The following ATXN1 variants were observed in gnomAD, a reference collection of about 807,000 sequenced individuals.
The protein encoded by ATXN1 is ataxin-1.
Under a neutral mutation model 56.4 loss-of-function variants are expected in ATXN1, and 8 were observed. The ratio of observed to expected loss-of-function variants is 0.14; its 90% CI spans 0.08 to 0.26. ATXN1 has a LOEUF of 0.26. ATXN1 is among the 10% of genes least tolerant of loss of function. ATXN1 has a pLI of 1.00. For synonymous variants in ATXN1, 514 were observed against 494.6 expected (o/e 1.04, Z -0.52); for missense variants, 987 against 1,106.5 (o/e 0.89, Z 1.53).
chr6:16,699,519 C>T (rs1759237343), intron 2 of ATXN1, among the ~76,000 whole-genome samples: 1 of 152,102 alleles, frequency 6.6e-6, no homozygotes, highest in Admixed American at 6.6e-5. Flanking sequence ...GTTGTTTCAC[C>T]ATCTGTTTAT....
At chr6:16,417,651 G>A (rs1561888016) in intron 6 of ATXN1, among the ~76,000 whole-genome samples, 1 of 151,844 alleles carries the variant, frequency 6.6e-6, no homozygotes, top group African/African-American at 2.4e-5. Flanking sequence ...TATTAGCCAG[G>A]ATGGTCTCGA....
At chr6:16,314,349 C>T (rs931010792) in intron 7 of ATXN1, among the ~76,000 whole-genome samples, 3 of 152,102 alleles carry the variant, frequency 2.0e-5, no homozygotes, top group Non-Finnish European at 2.9e-5. Context: ...GATCATTAAC[C>T]GTTAATGAAG....
chr6:16,415,643 C>A (rs1758887985), intron 6 of ATXN1, among the ~76,000 whole-genome samples: 1 of 152,212 alleles, frequency 6.6e-6, no homozygotes, highest in African/African-American at 2.4e-5. Flanking sequence ...TGAGTGAGTC[C>A]TGCCTGGTTC....
intron 2 of ATXN1, among the ~76,000 whole-genome samples, chr6:16,689,996 G>C (rs1759012814): frequency 6.6e-6 from 1 of 152,052 alleles, no homozygotes; most frequent in Non-Finnish European, 1.5e-5. Flanking sequence ...TACAAGAGAG[G>C]AAGATGACAC....
At position 16,319,183 on chromosome 6, in the gene ATXN1, A is replaced by G. The variant is rs146423233; in HGVS notation, c.1917+7211T>C. Among the ~76,000 whole-genome samples the G allele has an allele frequency of 1.1e-4, 17 of 151,964 alleles. No individual in the cohort carries two copies. The East Asian group carries it at 3.1e-3, about 28-fold the overall frequency. ...CAGTGAGCTATTATGGTGTCACTGC[A>G]CTCCAGCCTGGGCAACAGAGCAAGA... On this transcript the variant is annotated intron_variant, in intron 7 of 7. Coordinates refer to ENST00000436367, the MANE Select transcript of ATXN1 (RefSeq NM_001128164.2).
intron 1 of ATXN1, among the ~76,000 whole-genome samples, chr6:16,755,259 T>A (rs1038394691): frequency 6.6e-5 from 10 of 152,178 alleles, no homozygotes; most frequent in Non-Finnish European, 1.3e-4. Context: ...GTTAGGATAA[T>A]ACAGAGAGTT....
At chr6:16,451,969 T>A (rs147304147) in intron 6 of ATXN1, among the ~76,000 whole-genome samples, 24 of 152,320 alleles carry the variant, frequency 1.6e-4, no homozygotes, top group African/African-American at 4.6e-4. Flanking sequence ...GAAAATATTC[T>A]GGGATTTGTC....
In ATXN1 at chr6:16,617,432, A is replaced by T. The variant is rs141931798; in HGVS notation, c.-488-31525T>A. Among the ~76,000 whole-genome samples the T allele has an allele frequency of 5.5e-3, 834 of 152,292 alleles. 9 individuals are homozygous for T. The highest frequency in any genetic ancestry group is 0.019 in the African/African-American group (790 of 41,564). ...AATAGCTAATAAATGCTGAAAAAAA[A>T]TATATGAAAGAATCTAATTATATTA... On this transcript the variant is annotated intron_variant, in intron 3 of 7. Transcript: ENST00000436367.
intron 6 of ATXN1, among the ~76,000 whole-genome samples, chr6:16,467,817 C>A (rs1760137538): frequency 1.3e-5 from 2 of 152,188 alleles, no homozygotes; most frequent in Admixed American, 6.5e-5. Context: ...TGCCTGTTAA[C>A]AACCCTGTCC....
At chr6:16,755,628 T>C (rs1760864853) in intron 1 of ATXN1, among the ~76,000 whole-genome samples, 1 of 151,742 alleles carries the variant, frequency 6.6e-6, no homozygotes, top group African/African-American at 2.4e-5. Flanking sequence ...GAAGGATAGA[T>C]GCTATAGGTT....
chr6:16,540,779 G>C (rs1761699882), intron 4 of ATXN1, among the ~76,000 whole-genome samples: 1 of 152,052 alleles, frequency 6.6e-6, no homozygotes. Flanking sequence ...CCTCTGCTTG[G>C]AATGGCTGTC....
chr6:16,537,706 CA>C (rs1270085129), intron 4 of ATXN1, among the ~76,000 whole-genome samples: 2 of 135,660 alleles, frequency 1.5e-5, no homozygotes, highest in Non-Finnish European at 1.6e-5. Flanking sequence ...AACTCTGTCT[CA>C]AAAAAAAGAA....
chr6:16,561,896 A>G (rs1762125787), intron 4 of ATXN1, among the ~76,000 whole-genome samples: 1 of 152,176 alleles, frequency 6.6e-6, no homozygotes, highest in Admixed American at 6.5e-5. Flanking sequence ...GTAGGCTGTA[A>G]CCAAGTCACA....
Position 16,653,359 on chromosome 6 carries a change from T to C in ATXN1, c.-489+4417A>G, listed in dbSNP as rs148156215. On this transcript the variant is annotated intron_variant, in intron 3 of 7. Transcript: ENST00000436367. ...TCCACCACTGTGCACTGTAGGTGCT[T>C]TGATGTGCGTCCACTAGAGCTAAAC... 1.0e-3 allele frequency among the ~76,000 whole-genome samples: 157 copies of C among 152,342 alleles called. 1 individual carries two copies. Among genetic ancestry groups the C allele is most frequent in the African/African-American group, 3.6e-3 (149 of 41,578 alleles).
intron 6 of ATXN1, among the ~76,000 whole-genome samples, chr6:16,342,240 A>T (rs1761266898): frequency 6.6e-6 from 1 of 152,096 alleles, no homozygotes; most frequent in South Asian, 2.1e-4. Context: ...CCAACACAAA[A>T]GTCGTGTTCT....
chr6:16,700,483 T>A (rs752512993), intron 2 of ATXN1, among the ~76,000 whole-genome samples: 4 of 151,958 alleles, frequency 2.6e-5, no homozygotes, highest in Admixed American at 2.6e-4. Context: ...GAGAGCCAAG[T>A]TTAATAACCT....
intron 6 of ATXN1, among the ~76,000 whole-genome samples, chr6:16,461,484 G>A (rs540804808): frequency 5.7e-4 from 87 of 152,334 alleles, no homozygotes; most frequent in Admixed American, 2.2e-3. Context: ...TTGGTCCATC[G>A]TAAGGCCCCT....
chr6:16,312,394 C>G (rs1760413458), intron 7 of ATXN1, among the ~76,000 whole-genome samples: 1 of 152,016 alleles, frequency 6.6e-6, no homozygotes, highest in Non-Finnish European at 1.5e-5. Flanking sequence ...ACGAACATAA[C>G]TAACTCCATT....
intron 2 of ATXN1, 41 bp downstream of exon 2, chr6:16,753,192 T>C (rs143135801): frequency 9.4e-5 from 43 of 456,088 alleles, no homozygotes; most frequent in Middle Eastern, 3.6e-4. Flanking sequence ...GTCAGGACTT[T>C]ATCCTCAGAT....
Sources: allele counts gnomAD v4.1 joint callset (sites outside exome capture counted in the v4.1 genomes callset), GRCh38; gene constraint gnomAD v4.1.1; transcripts MANE v1.5; gene names NCBI Gene and HGNC (gene_info 2026-07-23, HGNC 2026-07-21).